Variants in PARD3B observed in about 807,000 individuals in gnomAD.
PARD3B encodes the protein partitioning defective 3 homolog B.
Under a neutral mutation model 130.2 loss-of-function variants are expected in PARD3B, and 103 were observed. The ratio of observed to expected loss-of-function variants is 0.79; its 90% CI spans 0.67 to 0.93. PARD3B has a LOEUF of 0.93. Ranked by LOEUF, PARD3B falls within the 40% of genes least tolerant of loss-of-function variation. PARD3B has a pLI of 0.00. For synonymous variants in PARD3B, 583 were observed against 553.2 expected, an observed-to-expected ratio of 1.05 and a Z score of -0.76; for missense variants, 1,609 against 1,499.2, an observed-to-expected ratio of 1.07 and a Z score of -1.21.
In PARD3B at chr2:205,405,398, A is replaced by C. The variant is rs2046385853; in HGVS notation, c.2741+4275A>C. ...CCAACCCAAAATGTCAATAGTACAG[A>C]GTCTGAGAAACCCTTTTATAATCTC... On this transcript the variant is annotated intron_variant, in intron 19 of 22. Coordinates refer to ENST00000406610, the MANE Select transcript of PARD3B (RefSeq NM_001302769.2). The surrounding 1 kb of genome is among the most constrained non-coding windows in gnomAD (Gnocchi z 4.1). Among the ~76,000 whole-genome samples, 1 of 152,226 alleles carries C rather than the reference A, an allele frequency of 6.6e-6. No individual in the cohort carries two copies. The highest frequency in any genetic ancestry group is 2.4e-5 in the African/African-American group (1 of 41,468).
chr2:204,812,562 G>C (rs750867859), intron 2 of PARD3B, among the ~76,000 whole-genome samples: 7 of 152,136 alleles, frequency 4.6e-5, no homozygotes, highest in Non-Finnish European at 7.3e-5. Flanking sequence ...GGAGCGGGCT[G>C]TCTGCATGCT....
chr2:205,556,594 A>G (rs781159283), intron 22 of PARD3B, among the ~76,000 whole-genome samples: 1 of 152,332 alleles, frequency 6.6e-6, no homozygotes. Flanking sequence ...TTGTTAAGCA[A>G]TGTTAAATCT....
intron 18 of PARD3B, among the ~76,000 whole-genome samples, chr2:205,393,329 T>C (rs928392997): frequency 6.6e-6 from 1 of 152,224 alleles, no homozygotes; most frequent in African/African-American, 2.4e-5. Flanking sequence ...GGAGCTATCA[T>C]GCCTAGTTTG....
At chr2:205,518,836 G>C (rs2050903682) in intron 21 of PARD3B, among the ~76,000 whole-genome samples, 1 of 152,056 alleles carries the variant, frequency 6.6e-6, no homozygotes, top group Non-Finnish European at 1.5e-5. Context: ...CTTTGCTTAG[G>C]AACCTTAGTT....
chr2:205,567,483 T>A (rs1380254161), intron 22 of PARD3B, among the ~76,000 whole-genome samples: 1 of 140,444 alleles, frequency 7.1e-6, no homozygotes. Flanking sequence ...CCCGGTTAAT[T>A]TTTTTTTTTT....
chr2:205,121,976 A>G lies in PARD3B; in HGVS notation c.1165+27A>G, dbSNP rs2030793475. On this transcript the variant is annotated intron_variant, in intron 8 of 22. Transcript: ENST00000406610. The surrounding 1 kb of genome is among the most constrained non-coding windows in gnomAD (Gnocchi z 5.0). ...TAATTATTAAATTATGCCTAATAGC[A>G]TTCTATTATTGTAACATGTAAAATT... 3 of 1,538,862 alleles carry G rather than the reference A, an allele frequency of 1.9e-6. No homozygotes were observed. The highest frequency in any genetic ancestry group is 2.7e-6 in the Non-Finnish European group (3 of 1,128,878).
chr2:204,628,760 C>G (rs1186164478), intron 1 of PARD3B, among the ~76,000 whole-genome samples: 1 of 152,070 alleles, frequency 6.6e-6, no homozygotes, highest in Non-Finnish European at 1.5e-5. Flanking sequence ...GAACATTGTT[C>G]TTTAAAAGTT....
intron 1 of PARD3B, among the ~76,000 whole-genome samples, chr2:204,595,277 G>A (rs760128742): frequency 7.9e-5 from 12 of 152,148 alleles, no homozygotes; most frequent in African/African-American, 2.7e-4. Context: ...GGCTGGACTC[G>A]GGCAGTGGAA....
At position 204,610,408 on chromosome 2, in the gene PARD3B, G is replaced by A. The variant is rs891188606; in HGVS notation, c.120+64289G>A. Among the ~76,000 whole-genome samples the A allele has an allele frequency of 6.6e-6, 1 of 152,102 alleles. No individual in the cohort carries two copies. The highest frequency in any genetic ancestry group is 1.5e-5 in the Non-Finnish European group (1 of 68,014). On this transcript the variant is annotated intron_variant, in intron 1 of 22. Coordinates refer to ENST00000406610, the MANE Select transcript of PARD3B (RefSeq NM_001302769.2). This position sits in a 1 kb window ranked among gnomAD's most constrained non-coding sequence, Gnocchi z 4.1. ...TCTCCCTCTGTTGCCTAGGCTGGAGGGCAGTGGCACGGTCTTGGCTTACTG... is the reference window on the plus strand; with the variant it reads ...TCTCCCTCTGTTGCCTAGGCTGGAGAGCAGTGGCACGGTCTTGGCTTACTG...
chr2:204,652,717 C>T (rs2035519529), intron 1 of PARD3B, among the ~76,000 whole-genome samples: 1 of 152,138 alleles, frequency 6.6e-6, no homozygotes, highest in South Asian at 2.1e-4. Flanking sequence ...AAAGAACTAC[C>T]TGAGACTGGG....
chr2:205,584,164 G>A lies in PARD3B; in HGVS notation c.3260+30761G>A, dbSNP rs1327945928. On this transcript the variant is annotated intron_variant, in intron 22 of 22. Coordinates refer to ENST00000406610, the MANE Select transcript of PARD3B (RefSeq NM_001302769.2). The surrounding 1 kb of genome is among the most constrained non-coding windows in gnomAD (Gnocchi z 5.5). ...AATATGGTAGCCGCAACAACATGGG[G>A]CTATCAGACATTTAAATGTGTCTGA... Among the ~76,000 whole-genome samples the A allele has an allele frequency of 6.6e-6, 1 of 152,110 alleles. No homozygotes were observed. Among genetic ancestry groups the A allele is most frequent in the Non-Finnish European group, 1.5e-5 (1 of 68,012 alleles).
intron 15 of PARD3B, among the ~76,000 whole-genome samples, chr2:205,202,389 G>A (rs1417318927): frequency 1.3e-5 from 2 of 152,128 alleles, no homozygotes. Flanking sequence ...TCCTCCTGCT[G>A]TATTTTTGCA....
At position 205,463,625 on chromosome 2, in the gene PARD3B, G is replaced by A. The variant is rs2048526108; in HGVS notation, c.3044+22953G>A. On this transcript the variant is annotated intron_variant, in intron 20 of 22. Coordinates refer to ENST00000406610, the MANE Select transcript of PARD3B (RefSeq NM_001302769.2). This position sits in a 1 kb window ranked among gnomAD's most constrained non-coding sequence, Gnocchi z 4.8. ...AATGTGCAAAATTAAGATTTCGTAA[G>A]TGGCATTTTAAATGAATGGTTAATG... 2.0e-5 allele frequency among the ~76,000 whole-genome samples: 3 copies of A among 152,314 alleles called. No individual in the cohort carries two copies. The highest frequency in any genetic ancestry group is 4.1e-4 in the South Asian group (2 of 4,832).
At chr2:204,900,968 C>T (rs1207833926) in intron 2 of PARD3B, among the ~76,000 whole-genome samples, 1 of 152,086 alleles carries the variant, frequency 6.6e-6, no homozygotes, top group East Asian at 1.9e-4. Context: ...TTCTCCCAAA[C>T]AATTGGAGTC....
intron 15 of PARD3B, 104 bp from the exon 16 acceptor site, chr2:205,245,673 CA>C (rs2039540710): frequency 1.2e-6 from 1 of 862,454 alleles, no homozygotes; most frequent in African/African-American, 1.7e-5. Context: ...AAATCTCTGC[CA>C]GTAAAAGATT....
chr2:205,334,088 T>C (rs1238441162), intron 18 of PARD3B, among the ~76,000 whole-genome samples: 1 of 152,150 alleles, frequency 6.6e-6, no homozygotes, highest in African/African-American at 2.4e-5. Context: ...CTTGTGGAAA[T>C]ATGTATTTAC....
chr2:204,764,479 G>A (rs998204349), intron 2 of PARD3B, among the ~76,000 whole-genome samples: 7 of 151,966 alleles, frequency 4.6e-5, no homozygotes, highest in African/African-American at 1.7e-4. Context: ...CTCGTTTTTT[G>A]TTTGAAAGAA....
At chr2:205,479,178 A>G (rs1465385394) in intron 20 of PARD3B, among the ~76,000 whole-genome samples, 2 of 152,210 alleles carry the variant, frequency 1.3e-5, no homozygotes, top group East Asian at 3.9e-4. Context: ...TTCTCCAGGC[A>G]GTAGATGAAG....
chr2:205,566,328 T>C (rs1054671778), intron 22 of PARD3B, among the ~76,000 whole-genome samples: 10 of 152,172 alleles, frequency 6.6e-5, no homozygotes, highest in African/African-American at 2.4e-4. Context: ...GCAGACCAGT[T>C]AGAGGATTTT....
Sources: gnomAD v4.1 joint callset for allele counts (sites outside exome capture counted in the v4.1 genomes callset) on GRCh38, gnomAD v4.1.1 for gene constraint, Gnocchi (gnomAD v3.1) non-coding constraint, MANE v1.5 for transcripts, NCBI Gene and HGNC (gene_info 2026-07-23, HGNC 2026-07-21) for gene names.